Variants in SEMA5A observed in about 807,000 individuals in gnomAD.
SEMA5A encodes the protein semaphorin-5A.
Under a neutral mutation model 135.5 loss-of-function variants are expected in SEMA5A, and 55 were observed. The observed-to-expected ratio is 0.41, with a 90% CI of 0.33 to 0.51. SEMA5A has a LOEUF of 0.51. Among genes scored for constraint, SEMA5A ranks in the 20% least tolerant of loss-of-function variants. SEMA5A has a pLI of 0.37. For missense variants in SEMA5A, 1,290 were observed against 1,419.9 expected (o/e 0.91, Z 1.47); for synonymous variants, 580 against 546.5 (o/e 1.06, Z -0.85).
intron 8 of SEMA5A, among the ~76,000 whole-genome samples, chr5:9,213,355 T>C (rs1004097742): frequency 7.9e-5 from 12 of 152,202 alleles, no homozygotes; most frequent in African/African-American, 1.9e-4. Context: ...GTCCTGGTCA[T>C]TGGGAACTTT....
In SEMA5A at chr5:9,040,216, A is replaced by G. The variant is rs1735887604; in HGVS notation, c.*2681T>C. 6.6e-6 allele frequency: 1 copy of G among 152,268 alleles called. No homozygotes were observed. Among genetic ancestry groups the G allele is most frequent in the African/African-American group, 2.4e-5 (1 of 41,472 alleles). The allele number at this position is 152,268 out of a possible 1,614,324, so 9.4% of individuals were successfully genotyped here. A position where few individuals can be genotyped will look rare whatever the true frequency, so the allele number is the denominator to read the frequency against. On this transcript the variant is annotated 3_prime_UTR_variant, in exon 23 of 23. Coordinates refer to ENST00000382496, the MANE Select transcript of SEMA5A (RefSeq NM_003966.3). ...AAAAGAAGGCAGGAAGGAAGAACAA[A>G]AGGAGGGAATGAAGGACAAAAACAA... is the stretch of plus-strand genomic sequence containing the variant.
chr5:9,311,756 A>C (rs1752147567), intron 5 of SEMA5A, among the ~76,000 whole-genome samples: 3 of 152,108 alleles, frequency 2.0e-5, no homozygotes, highest in African/African-American at 4.8e-5. Flanking sequence ...TAATAAAATA[A>C]AATAAAATAA....
chr5:9,516,309 T>C (rs994702067), intron 1 of SEMA5A, among the ~76,000 whole-genome samples: 2 of 151,926 alleles, frequency 1.3e-5, no homozygotes, highest in African/African-American at 4.8e-5. Flanking sequence ...ACACCTGCTG[T>C]CCATGAAGAG....
intron 16 of SEMA5A, among the ~76,000 whole-genome samples, chr5:9,103,055 C>A (rs1005448375): frequency 2.0e-5 from 3 of 152,114 alleles, no homozygotes; most frequent in African/African-American, 7.2e-5. Flanking sequence ...AGATCTTTCC[C>A]ATTAATCTCA....
At chr5:9,081,094 C>A (rs1251530279) in intron 16 of SEMA5A, among the ~76,000 whole-genome samples, 4 of 152,124 alleles carry the variant, frequency 2.6e-5, no homozygotes, top group Admixed American at 1.3e-4. Context: ...CTAAGGGCAG[C>A]CTAGGAGCAG....
At chr5:9,311,152 G>GA (rs1328602870) in intron 5 of SEMA5A, among the ~76,000 whole-genome samples, 4 of 151,384 alleles carry the variant, frequency 2.6e-5, no homozygotes, top group Non-Finnish European at 4.4e-5. Context: ...TCAACGGGGG[G>GA]GTCCTGCTCT....
intron 2 of SEMA5A, among the ~76,000 whole-genome samples, chr5:9,396,325 G>A (rs1756399997): frequency 1.3e-5 from 2 of 151,426 alleles, no homozygotes; most frequent in African/African-American, 4.9e-5. Context: ...TGCCTAGTTG[G>A]TTTCACCTCT....
intron 3 of SEMA5A, among the ~76,000 whole-genome samples, chr5:9,355,502 G>A (rs770520028): frequency 2.0e-4 from 30 of 152,192 alleles, no homozygotes; most frequent in Non-Finnish European, 1.0e-4. Flanking sequence ...ATTTTCACTA[G>A]AACAGCTCAA....
intron 8 of SEMA5A, among the ~76,000 whole-genome samples, chr5:9,208,128 C>T (rs565425864): frequency 3.3e-5 from 5 of 152,280 alleles, no homozygotes; most frequent in African/African-American, 9.6e-5. Context: ...GAGAATCAAA[C>T]GCACTTTGCT....
At chr5:9,137,911 C>G (rs185364457) in intron 12 of SEMA5A, among the ~76,000 whole-genome samples, 1 of 152,200 alleles carries the variant, frequency 6.6e-6, no homozygotes, top group Admixed American at 6.5e-5. Context: ...TAATACAGTA[C>G]CTCAATTAGG....
rs1362309484 is a variant in SEMA5A, at chr5:9,039,818, C to T, written c.*3079G>A. ...CCCAGTTTCACCAAAGCTACATGTC[C>T]CTGGAGCTACAGGAAGCCCACATGT... is the stretch of plus-strand genomic sequence containing the variant. On this transcript the variant is annotated 3_prime_UTR_variant, in exon 23 of 23. Transcript: ENST00000382496. 3 of 152,194 alleles carry T rather than the reference C, an allele frequency of 2.0e-5. No homozygotes were observed. The highest frequency in any genetic ancestry group is 4.4e-5 in the Non-Finnish European group (3 of 68,082). 9.4% of individuals were successfully genotyped at this position (152,194 alleles called of 1,614,324 possible). A position where few individuals can be genotyped will look rare whatever the true frequency, so the allele number is the denominator to read the frequency against.
chr5:9,376,461 T>A (rs1755366912), intron 3 of SEMA5A, among the ~76,000 whole-genome samples: 1 of 152,172 alleles, frequency 6.6e-6, no homozygotes, highest in African/African-American at 2.4e-5. Flanking sequence ...AGAAACCTTT[T>A]TCAACCACCG....
chr5:9,201,254 G>T (rs1265015664), intron 9 of SEMA5A, among the ~76,000 whole-genome samples: 1 of 152,074 alleles, frequency 6.6e-6, no homozygotes, highest in Non-Finnish European at 1.5e-5. Context: ...CTAAGGATAG[G>T]AAATAACTCT....
At chr5:9,436,808 C>T (rs1758048884) in intron 2 of SEMA5A, among the ~76,000 whole-genome samples, 2 of 152,180 alleles carry the variant, frequency 1.3e-5, no homozygotes, top group Non-Finnish European at 2.9e-5. Flanking sequence ...CCCCCTTCAC[C>T]CCTTCCTCTC....
chr5:9,056,653 C>T (rs892610243), intron 18 of SEMA5A, among the ~76,000 whole-genome samples: 1 of 152,146 alleles, frequency 6.6e-6, no homozygotes, highest in East Asian at 1.9e-4. Flanking sequence ...ACCTGTGAGG[C>T]GGAGGTTGCG....
chr5:9,533,621 G>A (rs1358359623), intron 1 of SEMA5A, among the ~76,000 whole-genome samples: 4 of 152,170 alleles, frequency 2.6e-5, no homozygotes, highest in Non-Finnish European at 5.9e-5. Flanking sequence ...GAAAGTTAAT[G>A]TGGGAAAAGG....
chr5:9,521,743 A>T (rs1425586708), intron 1 of SEMA5A, among the ~76,000 whole-genome samples: 1 of 152,192 alleles, frequency 6.6e-6, no homozygotes, highest in African/African-American at 2.4e-5. Context: ...TCCTGTCAGC[A>T]GTGCCTCAAG....
At chr5:9,169,521 G>A (rs1056067109) in intron 11 of SEMA5A, among the ~76,000 whole-genome samples, 1 of 152,184 alleles carries the variant, frequency 6.6e-6, no homozygotes, top group East Asian at 1.9e-4. Context: ...TTCCTTCTAG[G>A]AGCAGAACTG....
chr5:9,467,989 T>C (rs1759325299), intron 1 of SEMA5A, among the ~76,000 whole-genome samples: 1 of 152,186 alleles, frequency 6.6e-6, no homozygotes, highest in Admixed American at 6.5e-5. Flanking sequence ...TAAATATTAT[T>C]ATCCCTATTA....
Sources: allele counts gnomAD v4.1 joint callset (sites outside exome capture counted in the v4.1 genomes callset), GRCh38; gene constraint gnomAD v4.1.1; transcripts MANE v1.5; gene names NCBI Gene and HGNC (gene_info 2026-07-23, HGNC 2026-07-21).